Variants in MGST1 observed in about 807,000 individuals in gnomAD.
MGST1 encodes microsomal glutathione S-transferase 1, also known as glutathione S-transferase 12.
In MGST1, 5 loss-of-function variants were observed where a neutral mutation model predicts 8.9. That is an observed-to-expected ratio of 0.56 (90% CI 0.29 to 1.19). The LOEUF (loss-of-function observed/expected upper bound fraction) is 1.19. Ranked by LOEUF, MGST1 falls within the 50% of genes most tolerant of loss-of-function variation. The pLI is 0.08. For missense variants in MGST1, 182 were observed against 187.4 expected, an observed-to-expected ratio of 0.97 and a Z score of 0.17; for synonymous variants, 54 against 67.8, an observed-to-expected ratio of 0.80 and a Z score of 1.00.
At chr12:16,471,034 T>C (rs953687124) in intron 4 of MGST1, among the ~76,000 whole-genome samples, 2 of 152,170 alleles carry the variant, frequency 1.3e-5, no homozygotes, top group Non-Finnish European at 1.5e-5. Context: ...GGAGGAGAGA[T>C]GAGATTTATT....
chr12:16,465,082 C>G (rs918091), intron 4 of MGST1, among the ~76,000 whole-genome samples: 1 of 152,182 alleles, frequency 6.6e-6, no homozygotes, highest in Non-Finnish European at 1.5e-5. Context: ...CAGATGTAAC[C>G]TAGGTGTGAG....
intron 4 of MGST1, among the ~76,000 whole-genome samples, chr12:16,454,902 A>AAAAAAAAAAAAAAAAAAAAAAAAAAAG (rs1555104768): frequency 2.4e-5 from 3 of 125,996 alleles, no homozygotes; most frequent in African/African-American, 9.7e-5. Context: ...AAAAAAAAAA[A>AAAAAAAAAAAAAAAAAAAAAAAAAAAG]AAGGAGATGG....
At chr12:16,572,040 G>A (rs1942828137) in intron 4 of MGST1, among the ~76,000 whole-genome samples, 2 of 151,876 alleles carry the variant, frequency 1.3e-5, no homozygotes, top group South Asian at 2.1e-4. Context: ...AGGATTAGAT[G>A]AACTCCTTTT....
At chr12:16,404,919 T>G (rs76622133) in intron 1 of MGST1, among the ~76,000 whole-genome samples, 1 of 152,292 alleles carries the variant, frequency 6.6e-6, no homozygotes, top group African/African-American at 2.4e-5. Flanking sequence ...GGTTTTTGTC[T>G]TCTAAGAACT....
In MGST1 at chr12:16,399,209, T is replaced by C. The variant is rs527979983; in HGVS notation, n.778+15605T>C. ...AAAACAAAAGGAAAAATACAGTTTC[T>C]ATGTCATGTAAAATTTTCAGGGTTT... On this transcript the variant is annotated intron_variant and non_coding_transcript_variant, in intron 1 of 1. Transcript: ENST00000359720. The C allele has an allele frequency of 2.8e-5, 39 of 1,397,504 alleles. No homozygotes were observed. The South Asian group carries it at 4.5e-4, about 16-fold the overall frequency. The allele number at this position is 1,397,504 out of a possible 1,614,324, so 86.6% of individuals were successfully genotyped here. A position where few individuals can be genotyped will look rare whatever the true frequency, so the allele number is the denominator to read the frequency against.
chr12:16,472,819 C>T (rs1379398174), intron 4 of MGST1, among the ~76,000 whole-genome samples: 1 of 152,040 alleles, frequency 6.6e-6, no homozygotes, highest in African/African-American at 2.4e-5. Context: ...ACTGAACTGG[C>T]AGCAAAAGGA....
chr12:16,402,107 C>G, intron 1 of MGST1: 1 of 1,520,030 alleles, frequency 6.6e-7, no homozygotes, highest in Non-Finnish European at 9.1e-7. Context: ...CTCATATCAG[C>G]AGTCTGATGG....
intron 4 of MGST1, among the ~76,000 whole-genome samples, chr12:16,486,113 G>T (rs1336696537): frequency 1.3e-5 from 2 of 152,038 alleles, no homozygotes; most frequent in Non-Finnish European, 2.9e-5. Flanking sequence ...ATGGGACCTC[G>T]CTGAGGCCTT....
intron 4 of MGST1, among the ~76,000 whole-genome samples, chr12:16,460,523 C>T (rs1419961488): frequency 6.6e-6 from 1 of 151,770 alleles, no homozygotes; most frequent in Admixed American, 6.6e-5. Context: ...TCTGACCAGG[C>T]ATCCTCCTCT....
chr12:16,526,448 T>G (rs1275890004), intron 4 of MGST1, among the ~76,000 whole-genome samples: 1 of 152,002 alleles, frequency 6.6e-6, no homozygotes, highest in African/African-American at 2.4e-5. Flanking sequence ...CTTTCATTTG[T>G]GATTATCTTA....
chr12:16,461,779 CA>C (rs1565459332), intron 4 of MGST1, among the ~76,000 whole-genome samples: 2 of 152,070 alleles, frequency 1.3e-5, no homozygotes, highest in Admixed American at 6.5e-5. Context: ...ACAACTACAC[CA>C]AAACAATTGG....
downstream of MGST1, among the ~76,000 whole-genome samples, chr12:16,442,515 A>G (rs1941047137): frequency 2.0e-5 from 3 of 151,558 alleles, no homozygotes; most frequent in South Asian, 6.2e-4. This position sits in a 1 kb window ranked among gnomAD's most constrained non-coding sequence, Gnocchi z 4.5. Flanking sequence ...CTTTGTTTTT[A>G]TTTATTTTTT....
chr12:16,416,571 T>C (rs1409930585), intron 1 of MGST1, among the ~76,000 whole-genome samples: 2 of 152,060 alleles, frequency 1.3e-5, no homozygotes, highest in Non-Finnish European at 2.9e-5. Flanking sequence ...GTAAGCTCTC[T>C]CCTGTCTCTT....
intron 1 of MGST1, among the ~76,000 whole-genome samples, chr12:16,402,933 T>G (rs1283439459): frequency 7.4e-6 from 1 of 134,796 alleles, no homozygotes; most frequent in Admixed American, 7.6e-5. Flanking sequence ...AAAGTAAAAA[T>G]AAAATACATT....
intron 4 of MGST1, among the ~76,000 whole-genome samples, chr12:16,491,153 G>C (rs760255865): frequency 7.9e-5 from 12 of 152,144 alleles, no homozygotes; most frequent in African/African-American, 2.2e-4. Flanking sequence ...GCAGCAGAAA[G>C]AAAAATCATC....
In MGST1 at chr12:16,546,989, C is replaced by T. The variant is rs1426995296; in HGVS notation, n.483-42539C>T. ...AAAATTGACTCAAGTGTTTTAGCAG[C>T]TATTCTTTGTACTGTTCAACACGAA... On this transcript the variant is annotated intron_variant and non_coding_transcript_variant, in intron 4 of 4. Transcript: ENST00000538857. The surrounding 1 kb of genome is among the most constrained non-coding windows in gnomAD (Gnocchi z 4.7). 4.6e-5 allele frequency among the ~76,000 whole-genome samples: 7 copies of T among 152,198 alleles called. No homozygotes were observed. The East Asian group carries it at 1.4e-3, about 29-fold the overall frequency.
At chr12:16,422,558 G>A (rs1940848086) in intron 1 of MGST1, among the ~76,000 whole-genome samples, 1 of 152,098 alleles carries the variant, frequency 6.6e-6, no homozygotes, top group Non-Finnish European at 1.5e-5. Flanking sequence ...TGGGGCCTGG[G>A]TCACCTGCTT....
At chr12:16,478,186 C>A (rs1207140248) in intron 4 of MGST1, among the ~76,000 whole-genome samples, 1 of 152,084 alleles carries the variant, frequency 6.6e-6, no homozygotes, top group Non-Finnish European at 1.5e-5. Flanking sequence ...CGTGCCACCA[C>A]GCCCAGCTAA....
At position 16,586,647 on chromosome 12, in the gene MGST1, T is replaced by C. The variant is rs957993766; in HGVS notation, n.483-2881T>C. 6.6e-6 allele frequency among the ~76,000 whole-genome samples: 1 copy of C among 152,188 alleles called. No individual in the cohort carries two copies. The highest frequency in any genetic ancestry group is 1.5e-5 in the Non-Finnish European group (1 of 68,030). On this transcript the variant is annotated intron_variant and non_coding_transcript_variant, in intron 4 of 4. Coordinates refer to the MGST1 transcript ENST00000538857. This position sits in a 1 kb window ranked among gnomAD's most constrained non-coding sequence, Gnocchi z 4.3. ...GTCTCCCAAAGCCTGTCCTAGGATG[T>C]GGCAATAAGGCTATACCGTCGGGGT...
Sources: allele counts gnomAD v4.1 joint callset (sites outside exome capture counted in the v4.1 genomes callset), GRCh38; gene constraint gnomAD v4.1.1; non-coding constraint Gnocchi (gnomAD v3.1); transcripts MANE v1.5; gene names NCBI Gene and HGNC (gene_info 2026-07-23, HGNC 2026-07-21).